The following RELN variants were observed in gnomAD, a reference collection of about 807,000 sequenced individuals.
The protein encoded by RELN is reelin.
A neutral mutation model predicts 427.6 loss-of-function variants in RELN; 108 were observed. The observed-to-expected ratio is 0.25, with a 90% confidence interval of 0.22 to 0.30. The LOEUF (loss-of-function observed/expected upper bound fraction) is 0.30, where lower values mean the gene tolerates loss of function less well. RELN is among the 10% of genes least tolerant of loss of function. The probability of loss-of-function intolerance (pLI) is 1.00; values close to 1 mark genes in which losing one functional copy is unlikely to be tolerated. For synonymous variants in RELN, 1,524 were observed against 1,513.4 expected, an observed-to-expected ratio of 1.01 and a Z score of -0.16; for missense variants, 3,715 against 4,302.8, an observed-to-expected ratio of 0.86 and a Z score of 3.82.
At chr7:103,568,795 T>C (rs1316246830) in intron 31 of RELN, among the ~76,000 whole-genome samples, 1 of 152,178 alleles carries the variant, frequency 6.6e-6, no homozygotes, top group African/African-American at 2.4e-5. Flanking sequence ...TACTTAGTTA[T>C]TTTGAGGTGA....
chr7:103,583,183 G>T (rs1406497168), intron 28 of RELN, among the ~76,000 whole-genome samples: 1 of 152,154 alleles, frequency 6.6e-6, no homozygotes, highest in Non-Finnish European at 1.5e-5. Flanking sequence ...TATTCTCTCT[G>T]AGAATTACAC....
At chr7:103,909,480 A>T (rs1173652842) in intron 2 of RELN, among the ~76,000 whole-genome samples, 2 of 150,046 alleles carry the variant, frequency 1.3e-5, no homozygotes, top group Admixed American at 6.8e-5. Flanking sequence ...TTTTTCTTAA[A>T]ATATTTAAAT....
chr7:103,688,474 G>C (rs1833807679), intron 10 of RELN, among the ~76,000 whole-genome samples: 1 of 152,072 alleles, frequency 6.6e-6, no homozygotes, highest in East Asian at 1.9e-4. Flanking sequence ...AGGTATGATA[G>C]TATTGCTGTG....
chr7:103,859,706 T>G (rs896593625), intron 2 of RELN, among the ~76,000 whole-genome samples: 4 of 152,196 alleles, frequency 2.6e-5, no homozygotes, highest in African/African-American at 9.6e-5. Context: ...GCATTCCCCA[T>G]AGTGAAACAA....
intron 3 of RELN, among the ~76,000 whole-genome samples, chr7:103,814,327 T>A (rs556312484): frequency 6.6e-6 from 1 of 152,214 alleles, no homozygotes. Context: ...AAATGACAGA[T>A]GAAAGACGGA....
rs1038794207 is a variant in RELN, at chr7:103,534,482, CTTTAATT to C, written c.7349+827_7349+833del. On this transcript the variant is annotated intron_variant, in intron 46 of 64. Transcript: ENST00000428762. ...AGAATTTACTAGGCAATTTTATTTA[CTTTAATT>C]TTTAATTTTTTTTTTTGAGACAGGG... 5.0e-5 allele frequency among the ~76,000 whole-genome samples: 6 copies of C among 121,128 alleles called. No individual in the cohort carries two copies. The East Asian group carries it at 1.2e-3, about 25-fold the overall frequency. 79.5% of individuals were successfully genotyped at this position (121,128 alleles called of 152,430 possible).
intron 3 of RELN, among the ~76,000 whole-genome samples, chr7:103,828,207 C>T (rs1465826442): frequency 6.6e-6 from 1 of 152,008 alleles, no homozygotes; most frequent in Non-Finnish European, 1.5e-5. Flanking sequence ...ATCTGAGATA[C>T]ACTCAAGGCA....
At chr7:103,596,316 T>C (rs1831535990) in intron 25 of RELN, 140 bp downstream of exon 25, 7 of 725,434 alleles carry the variant, frequency 9.6e-6, no homozygotes, top group Non-Finnish European at 1.5e-5. Context: ...AAAATCTTTA[T>C]ATACTGGGCT....
intron 57 of RELN, among the ~76,000 whole-genome samples, chr7:103,495,175 CT>C (rs68172294): frequency 0.039 from 4,843 of 125,280 alleles, 56 homozygotes; most frequent in African/African-American, 0.067. Flanking sequence ...AAAGTAATTC[CT>C]TTTTTTTTTT....
At position 103,926,099 on chromosome 7, in the gene RELN, C is replaced by CTTT. The variant is rs55899563; in HGVS notation, c.227-8917_227-8915dup. ...CATAAATATATGACCCCCACCCCGC[C>CTTT]TTTTTTTTTTTTTTTTTTTTGAGAT... On this transcript the variant is annotated intron_variant, in intron 1 of 64. Coordinates refer to ENST00000428762, the MANE Select transcript of RELN (RefSeq NM_005045.4). Among the ~76,000 whole-genome samples the CTTT allele has an allele frequency of 2.1e-3, 190 of 90,060 alleles. 16 individuals carry two copies. The East Asian group carries it at 0.033, about 15-fold the overall frequency. The allele number at this position is 90,060 out of a possible 152,430, so 59.1% of individuals were successfully genotyped here.
At chr7:103,697,753 T>C in intron 10 of RELN, 100 bp downstream of exon 10, 1 of 1,545,392 alleles carries the variant, frequency 6.5e-7, no homozygotes, top group Non-Finnish European at 8.8e-7. Flanking sequence ...ATAGTGGTTT[T>C]GGTAAAATAG....
rs542034852 is a variant in RELN, at chr7:103,776,934, C to T, written c.474-307G>A. Among the ~76,000 whole-genome samples the T allele has an allele frequency of 2.6e-5, 4 of 152,244 alleles. No individual in the cohort carries two copies. The East Asian group carries it at 7.7e-4, about 29-fold the overall frequency. ...ATGGAGAGGAGGCTTATTAAAATTT[C>T]TTCTTCAGGAGCCTTTGATATAAAA... On this transcript the variant is annotated intron_variant, in intron 3 of 64. Coordinates refer to ENST00000428762, the MANE Select transcript of RELN (RefSeq NM_005045.4).
In RELN at chr7:103,620,350, C is replaced by T. The variant is rs1832188906; in HGVS notation, c.2703-8547G>A. Reference sequence around the variant, plus strand: ...TCTTCATCAGCAGCGTGAGAATGGACTAACACAACTTCAATTCATCTCCGA... The same window carrying T: ...TCTTCATCAGCAGCGTGAGAATGGATTAACACAACTTCAATTCATCTCCGA... On this transcript the variant is annotated intron_variant, in intron 20 of 64. Transcript: ENST00000428762. This position sits in a 1 kb window ranked among gnomAD's most constrained non-coding sequence, Gnocchi z 4.1. 6.6e-6 allele frequency among the ~76,000 whole-genome samples: 1 copy of T among 152,138 alleles called. No homozygotes were observed. The highest frequency in any genetic ancestry group is 2.4e-5 in the African/African-American group (1 of 41,448).
intron 3 of RELN, among the ~76,000 whole-genome samples, chr7:103,808,441 A>C (rs1205549733): frequency 6.6e-6 from 1 of 152,086 alleles, no homozygotes; most frequent in African/African-American, 2.4e-5. Context: ...CAAAACAAAA[A>C]AAACCTTTCT....
intron 8 of RELN, among the ~76,000 whole-genome samples, chr7:103,715,094 T>C (rs1414976584): frequency 1.3e-5 from 2 of 152,170 alleles, no homozygotes; most frequent in Non-Finnish European, 2.9e-5. Flanking sequence ...ACCTCTGTTT[T>C]GCCCACCAAA....
chr7:103,510,720 AGTTT>A (rs1584250628), intron 51 of RELN, 127 bp downstream of exon 51: 3 of 722,686 alleles, frequency 4.2e-6, no homozygotes, highest in Non-Finnish European at 7.3e-6. Flanking sequence ...GTTGTATATT[AGTTT>A]AATAGTAAAT....
At chr7:103,564,265 T>C (rs1457596498) in intron 34 of RELN, among the ~76,000 whole-genome samples, 2 of 152,256 alleles carry the variant, frequency 1.3e-5, no homozygotes, top group Non-Finnish European at 2.9e-5. Context: ...TGGTTGTACA[T>C]GTCTGGATCA....
At chr7:103,972,270 CTG>C (rs1796779186) in intron 1 of RELN, among the ~76,000 whole-genome samples, 1 of 152,100 alleles carries the variant, frequency 6.6e-6, no homozygotes, top group African/African-American at 2.4e-5. Context: ...GAAAAGCTGA[CTG>C]TGGTAGGTAT....
At chr7:103,676,790 C>A (rs891829956) in intron 11 of RELN, among the ~76,000 whole-genome samples, 6 of 150,924 alleles carry the variant, frequency 4.0e-5, no homozygotes, top group Non-Finnish European at 7.4e-5. Flanking sequence ...ATCGCAAGGA[C>A]AGAAAACCAA....
Sources: allele counts gnomAD v4.1 joint callset (sites outside exome capture counted in the v4.1 genomes callset), GRCh38; gene constraint gnomAD v4.1.1; non-coding constraint Gnocchi (gnomAD v3.1); transcripts MANE v1.5; gene names NCBI Gene and HGNC (gene_info 2026-07-23, HGNC 2026-07-21).